TMPRSS11D: variants seen among roughly 807,000 people sequenced by gnomAD.
TMPRSS11D encodes transmembrane serine protease 11D.
TMPRSS11D carries 32 observed loss-of-function variants against 44.4 expected under a neutral mutation model. The observed-to-expected ratio is 0.72, with a 90% CI of 0.54 to 0.97. TMPRSS11D has a LOEUF of 0.97. Among genes scored for constraint, TMPRSS11D ranks in the 50% least tolerant of loss-of-function variants. TMPRSS11D has a pLI of 0.00. For synonymous variants in TMPRSS11D, 179 were observed against 177.9 expected, an observed-to-expected ratio of 1.01 and a Z score of -0.05; for missense variants, 446 against 502.6, an observed-to-expected ratio of 0.89 and a Z score of 1.08.
rs1717990493 is a variant in TMPRSS11D at position 67,833,218 on chromosome 4, A to G, written c.678T>C (p.Ala226=). ...GGTGGCCTCACCTTCTGAAGCAGTG[A>G]GCTGCTGTCAGGATCCACATGTTAT... ...LINNMWILTA[A]HCFRSNSNPR... is the part of the protein sequence containing the mutation. Residue 226 remains alanine (A), a synonymous_variant, in exon 7 of 10, where the codon GCT becomes GCC. Coordinates refer to ENST00000283916, the MANE Select transcript of TMPRSS11D (RefSeq NM_004262.3). The G allele has an allele frequency of 6.7e-7, 1 of 1,503,208 alleles. No homozygotes were observed. The highest frequency in any genetic ancestry group is 2.2e-5 in the Admixed American group (1 of 45,924). The allele number at this position is 1,503,208 out of a possible 1,614,324, so 93.1% of individuals were successfully genotyped here. A position where few individuals can be genotyped will look rare whatever the true frequency, so the allele number is the denominator to read the frequency against.
At chr4:67,872,403 C>T (rs1321290003) in intron 1 of TMPRSS11D, among the ~76,000 whole-genome samples, 6 of 151,976 alleles carry the variant, frequency 3.9e-5, no homozygotes, top group African/African-American at 9.7e-5. Flanking sequence ...TAAAAAAATA[C>T]TCATGACAGT....
At position 67,849,258 on chromosome 4, in the gene TMPRSS11D, A is replaced by G. The variant is rs113210851; in HGVS notation, c.249+4810T>C. Reference sequence around the variant, plus strand: ...GCTAGGATGGTGTGGGGACATCATGAGTTTGATTTTGAGAGATAATATATT... The same window carrying G: ...GCTAGGATGGTGTGGGGACATCATGGGTTTGATTTTGAGAGATAATATATT... On this transcript the variant is annotated intron_variant, in intron 3 of 9. Transcript: ENST00000283916. Among the ~76,000 whole-genome samples the G allele has an allele frequency of 1.9e-3, 285 of 152,286 alleles. 1 individual carries two copies. The highest frequency in any genetic ancestry group is 6.6e-3 in the African/African-American group (275 of 41,570).
At chr4:67,834,966 T>C in intron 6 of TMPRSS11D, 117 bp downstream of exon 6, 1 of 905,456 alleles carries the variant, frequency 1.1e-6, no homozygotes, top group Non-Finnish European at 1.8e-6. Context: ...CTGAGCGAAC[T>C]AAGAACAAAG....
chr4:67,835,385 T>G (rs1420135867), intron 5 of TMPRSS11D, among the ~76,000 whole-genome samples: 1 of 152,156 alleles, frequency 6.6e-6, no homozygotes, highest in African/African-American at 2.4e-5. Context: ...AATTTCTCAT[T>G]AAATACTTAA....
chr4:67,881,117 A>G (rs1719311020), intron 1 of TMPRSS11D, among the ~76,000 whole-genome samples: 1 of 152,178 alleles, frequency 6.6e-6, no homozygotes, highest in African/African-American at 2.4e-5. Flanking sequence ...AAAGAATGGG[A>G]TCCTTCAAAT....
At position 67,838,297 on chromosome 4, in the gene TMPRSS11D, A is replaced by G; in HGVS notation, c.350T>C (p.Val117Ala). 6.3e-7 allele frequency: 1 copy of G among 1,595,826 alleles called. No homozygotes were observed. Among genetic ancestry groups the G allele is most frequent in the Non-Finnish European group, 8.5e-7 (1 of 1,172,800 alleles). Residue 117 changes from valine (V) to alanine (A), a missense_variant, in exon 5 of 10, where the codon GTC (valine) becomes GCC (alanine). By Grantham distance (64) the Val-to-Ala change is moderately conservative (BLOSUM62 0). Transcript: ENST00000283916. ...QDGSGVRADV[V>A]MKFQFTRNNN... ...ATTTCTAGTGAATTGAAATTTCATG[A>G]CAACATCCGCTCTCACACCACTACC... is the stretch of plus-strand genomic sequence containing the variant.
chr4:67,852,640 G>T (rs919154281), intron 3 of TMPRSS11D, among the ~76,000 whole-genome samples: 1 of 152,160 alleles, frequency 6.6e-6, no homozygotes, highest in African/African-American at 2.4e-5. Context: ...AGCGAAGTTA[G>T]ATATATCATT....
At chr4:67,854,047 C>T (rs1718572323) in intron 3 of TMPRSS11D, 21 bp downstream of exon 3, 2 of 1,331,368 alleles carry the variant, frequency 1.5e-6, no homozygotes, top group African/African-American at 1.5e-5. Flanking sequence ...GAATAAAGAG[C>T]AAAGACAAAT....
chr4:67,831,096 A>G (rs1490439950), intron 7 of TMPRSS11D, among the ~76,000 whole-genome samples: 1 of 152,130 alleles, frequency 6.6e-6, no homozygotes. Flanking sequence ...TCTTTCTTTG[A>G]GGAACTCTAC....
rs182479667 is a variant in TMPRSS11D at position 67,873,457 on chromosome 4, A to T, written c.8+10469T>A. On this transcript the variant is annotated intron_variant, in intron 1 of 9. Transcript: ENST00000283916. ...GGGAATCTGGGAAACTAAGCCTGTA[A>T]CTTGTAGCTTGTAGAATGAATGATA... 9.8e-5 allele frequency among the ~76,000 whole-genome samples: 15 copies of T among 152,312 alleles called. No individual in the cohort carries two copies. The East Asian group carries it at 2.1e-3, about 22-fold the overall frequency.
rs1718260578 is a variant in TMPRSS11D at position 67,842,639 on chromosome 4, G to A, written c.250-14C>T. The A allele has an allele frequency of 1.3e-6, 2 of 1,599,306 alleles. No homozygotes were observed. Among genetic ancestry groups the A allele is most frequent in the South Asian group, 1.1e-5 (1 of 89,034 alleles). ...TGTTTTAGTAATCTGTAGAAAGAAA[G>A]AGAGGGGGAATCTCTCTGTAAATAC... On this transcript the variant is annotated splice_polypyrimidine_tract_variant and intron_variant, in intron 3 of 9. Transcript: ENST00000283916.
chr4:67,834,019 A>G (rs1276863516), intron 6 of TMPRSS11D, among the ~76,000 whole-genome samples: 2 of 152,184 alleles, frequency 1.3e-5, no homozygotes, highest in Non-Finnish European at 1.5e-5. Flanking sequence ...CTTGAGGGTG[A>G]CAGAGGGTTT....
chr4:67,865,932 G>A lies in TMPRSS11D; in HGVS notation c.9-6254C>T, dbSNP rs562049843. ...ACAAGATGTATAAAGAAAAACTGAT[G>A]CCAATCCTAATGAAATTGTTCCAAA... On this transcript the variant is annotated intron_variant, in intron 1 of 9. Coordinates refer to ENST00000283916, the MANE Select transcript of TMPRSS11D (RefSeq NM_004262.3). Among the ~76,000 whole-genome samples, 3 of 151,960 alleles carry A rather than the reference G, an allele frequency of 2.0e-5. No individual in the cohort carries two copies. The East Asian group carries it at 5.8e-4, about 29-fold the overall frequency.
At chr4:67,874,767 C>T (rs1719143244) in intron 1 of TMPRSS11D, among the ~76,000 whole-genome samples, 1 of 151,990 alleles carries the variant, frequency 6.6e-6, no homozygotes, top group African/African-American at 2.4e-5. Context: ...GTAGGGAATC[C>T]AGAAATTTAC....
rs1207228392 is a variant in TMPRSS11D, at chr4:67,835,069, A to G, written c.514+14T>C. On this transcript the variant is annotated intron_variant, in intron 6 of 9. Coordinates refer to ENST00000283916, the MANE Select transcript of TMPRSS11D (RefSeq NM_004262.3). ...TTTGGCAAATTACAGTTACAAAATA[A>G]TATTAAAACTTACCATTAATAAGCC... 1.2e-6 allele frequency: 2 copies of G among 1,610,844 alleles called. No homozygotes were observed. Among genetic ancestry groups the G allele is most frequent in the Non-Finnish European group, 1.7e-6 (2 of 1,177,548 alleles).
intron 6 of TMPRSS11D, among the ~76,000 whole-genome samples, chr4:67,834,218 G>A (rs568705477): frequency 2.6e-5 from 4 of 152,150 alleles, no homozygotes; most frequent in African/African-American, 7.2e-5. Flanking sequence ...TGCTGGGCTG[G>A]CTTTTAAGTA....
intron 7 of TMPRSS11D, among the ~76,000 whole-genome samples, chr4:67,832,559 A>G (rs1287632436): frequency 1.3e-5 from 2 of 151,762 alleles, no homozygotes; most frequent in Admixed American, 6.6e-5. Flanking sequence ...CATTAATTTT[A>G]TTTATGCTAC....
intron 7 of TMPRSS11D, among the ~76,000 whole-genome samples, chr4:67,829,964 T>C (rs1717905650): frequency 6.6e-6 from 1 of 152,098 alleles, no homozygotes; most frequent in Non-Finnish European, 1.5e-5. Context: ...GCATGTGTGC[T>C]TCTGAAATTC....
Position 67,827,329 on chromosome 4 carries a change from G to T in TMPRSS11D, c.884C>A (p.Ala295Asp). The change falls in exon 8 of 10, where the codon GCT becomes GAT. Residue 295 changes from alanine (A) to aspartate (D), a missense_variant. Physicochemically the swap from Ala to Asp is moderately radical, Grantham distance 126. Coordinates refer to ENST00000283916, the MANE Select transcript of TMPRSS11D (RefSeq NM_004262.3). ...TKDIHSVCLP[A>D]ATQNIPPGST... is the part of the protein sequence containing the mutation. ...GCCAGGTGGAATATTCTGGGTAGCA[G>T]CTGGGAGACACACACTATGGATATC... is the stretch of plus-strand genomic sequence containing the variant. 1.2e-6 allele frequency: 2 copies of T among 1,613,316 alleles called. No homozygotes were observed. The highest frequency in any genetic ancestry group is 2.2e-5 in the South Asian group (2 of 91,062).
Sources: gnomAD v4.1 joint callset for allele counts (sites outside exome capture counted in the v4.1 genomes callset) on GRCh38, gnomAD v4.1.1 for gene constraint, MANE v1.5 for transcripts, NCBI Gene and HGNC (gene_info 2026-07-23, HGNC 2026-07-21) for gene names.